GARIN1B: variants seen among roughly 807,000 people sequenced by gnomAD.
GARIN1B encodes Golgi-associated RAB2 interactor protein 1B.
At chr7:128,722,337 T>C in the GARIN1B span, among the ~76,000 whole-genome samples, 1 of 152,172 alleles carries the variant, frequency 6.6e-6, no homozygotes, top group South Asian at 2.1e-4. Flanking sequence ...ATATCCCTAG[T>C]ACCTGGCTCC....
At chr7:128,716,912 C>T in the GARIN1B span, 1 of 1,614,012 alleles carries the variant, frequency 6.2e-7, no homozygotes, top group East Asian at 2.2e-5. Flanking sequence ...CCCCAACATC[C>T]TACTCATGGC....
chr7:128,710,153 G>C, the GARIN1B span, among the ~76,000 whole-genome samples: 1 of 152,142 alleles, frequency 6.6e-6, no homozygotes, highest in Admixed American at 6.6e-5. Context: ...GGCCTCAAGT[G>C]ATCTGCCCGC....
the GARIN1B span, chr7:128,724,927 T>C: frequency 8.3e-7 from 1 of 1,211,628 alleles, no homozygotes; most frequent in Non-Finnish European, 1.1e-6. Flanking sequence ...GACTGCACCC[T>C]TGAGCATATC....
the GARIN1B span, among the ~76,000 whole-genome samples, chr7:128,712,567 C>A: frequency 6.6e-6 from 1 of 152,214 alleles, no homozygotes; most frequent in Non-Finnish European, 1.5e-5. Context: ...CCCCAACTGA[C>A]AACCAGATGT....
the GARIN1B span, among the ~76,000 whole-genome samples, chr7:128,725,890 G>A: frequency 2.6e-5 from 4 of 152,196 alleles, no homozygotes; most frequent in Non-Finnish European, 5.9e-5. Context: ...GGCACAGACA[G>A]CTTTTAATAT....
At chr7:128,728,392 G>A in the GARIN1B span, among the ~76,000 whole-genome samples, 2 of 151,882 alleles carry the variant, frequency 1.3e-5, no homozygotes, top group African/African-American at 4.8e-5. Context: ...GCAGTGAGCC[G>A]AGATCACGCC....
chr7:128,713,872 C>T, the GARIN1B span: 21,461 of 864,442 alleles, frequency 0.025, 388 homozygotes, highest in South Asian at 0.051. Flanking sequence ...TGAACAGCAA[C>T]GTATCAATTT....
the GARIN1B span, among the ~76,000 whole-genome samples, chr7:128,728,107 C>T: frequency 6.6e-6 from 1 of 152,164 alleles, no homozygotes; most frequent in African/African-American, 2.4e-5. Context: ...TAACTTTCGT[C>T]TAAATCAGGG....
At chr7:128,715,031 A>C in the GARIN1B span, among the ~76,000 whole-genome samples, 1 of 152,172 alleles carries the variant, frequency 6.6e-6, no homozygotes, top group Non-Finnish European at 1.5e-5. Context: ...TTCAATGGAC[A>C]TGCAGCTTTT....
At chr7:128,713,925 T>C in the GARIN1B span, 2 of 1,438,822 alleles carry the variant, frequency 1.4e-6, no homozygotes, top group East Asian at 2.6e-5. Context: ...CTTTCTAGGT[T>C]ATTTCCAGGG....
chr7:128,717,069 C>T, the GARIN1B span: 5 of 1,371,804 alleles, frequency 3.6e-6, no homozygotes, highest in East Asian at 1.2e-4. Context: ...TGCTTGACTA[C>T]TAAACTCAAG....
At chr7:128,715,398 G>T in the GARIN1B span, 19 of 1,597,296 alleles carry the variant, frequency 1.2e-5, no homozygotes, top group South Asian at 1.9e-4. Flanking sequence ...GGGAGACAGA[G>T]ATCCCAGGAC....
At chr7:128,730,045 G>A in the GARIN1B span, 23 of 1,613,840 alleles carry the variant, frequency 1.4e-5, no homozygotes, top group Non-Finnish European at 1.8e-5. Flanking sequence ...AGCCTCCACC[G>A]GGCCACAGCT....
chr7:128,719,842 G>A, the GARIN1B span, among the ~76,000 whole-genome samples: 7 of 150,358 alleles, frequency 4.7e-5, no homozygotes, highest in South Asian at 1.1e-3. Context: ...TGGCATTACA[G>A]GCACGCACCA....
the GARIN1B span, among the ~76,000 whole-genome samples, chr7:128,726,626 A>G: frequency 4.4e-5 from 3 of 68,202 alleles, no homozygotes; most frequent in East Asian, 1.3e-3. Context: ...ACCCCATTCC[A>G]CCTCCCCCTT....
chr7:128,724,000 TTTG>T, the GARIN1B span, among the ~76,000 whole-genome samples: 2 of 152,102 alleles, frequency 1.3e-5, no homozygotes, highest in Admixed American at 1.3e-4. Context: ...TAAATTTCTT[TTTG>T]TTGTTGTTGT....
At chr7:128,731,316 A>C in the GARIN1B span, 2,789 of 624,690 alleles carry the variant, frequency 4.5e-3, 67 homozygotes, top group African/African-American at 0.046. Context: ...TGCCACCTCC[A>C]TGCCACTGCC....
chr7:128,723,412 T>A, the GARIN1B span: 1 of 1,504,518 alleles, frequency 6.6e-7, no homozygotes, highest in Non-Finnish European at 9.1e-7. Context: ...GCTTGGTTAA[T>A]GAGCGCAGGG....
the GARIN1B span, among the ~76,000 whole-genome samples, chr7:128,717,557 C>T: frequency 1.3e-5 from 2 of 151,212 alleles, no homozygotes; most frequent in Non-Finnish European, 2.9e-5. Context: ...AGTGATTCTC[C>T]TGCCTCAGCC....
Sources: gnomAD v4.1 joint callset for allele counts (sites outside exome capture counted in the v4.1 genomes callset) on GRCh38, gnomAD v4.1.1 for gene constraint, MANE v1.5 for transcripts, NCBI Gene and HGNC (gene_info 2026-07-23, HGNC 2026-07-21) for gene names.